Variants in DCC observed in about 807,000 individuals in gnomAD.
The protein encoded by DCC is DCC netrin 1 receptor.
In DCC, 58 loss-of-function variants were observed where a neutral mutation model predicts 172.5. That is an observed-to-expected ratio of 0.34 (90% CI 0.27 to 0.42). The LOEUF (loss-of-function observed/expected upper bound fraction) is 0.42, where lower values mean the gene tolerates loss of function less well. Among genes scored for constraint, DCC ranks in the 10% least tolerant of loss-of-function variants. The pLI, the probability that DCC is intolerant of heterozygous loss-of-function variation, is 1.00. For missense variants in DCC, 1,740 were observed against 1,791.0 expected (o/e 0.97, Z 0.51); for synonymous variants, 709 against 644.5 (o/e 1.10, Z -1.52).
intron 21 of DCC, among the ~76,000 whole-genome samples, chr18:53,431,041 G>A (rs1165666815): frequency 6.6e-6 from 1 of 151,650 alleles, no homozygotes; most frequent in Non-Finnish European, 1.5e-5. Flanking sequence ...AGAAAGGAGA[G>A]GTATATGAAA....
intron 1 of DCC, among the ~76,000 whole-genome samples, chr18:52,666,040 G>A (rs2035454051): frequency 1.3e-5 from 2 of 152,148 alleles, no homozygotes; most frequent in African/African-American, 2.4e-5. Context: ...ACTCATGCCT[G>A]TACTTTGAGA....
chr18:53,464,146 G>A (rs376047500), intron 24 of DCC, among the ~76,000 whole-genome samples: 4 of 152,106 alleles, frequency 2.6e-5, no homozygotes, highest in Admixed American at 6.6e-5. Flanking sequence ...ATAAAGAAAC[G>A]AAAGAGTTCA....
intron 1 of DCC, among the ~76,000 whole-genome samples, chr18:52,358,435 G>A (rs1395777759): frequency 1.3e-5 from 2 of 152,112 alleles, no homozygotes; most frequent in Non-Finnish European, 2.9e-5. Flanking sequence ...TTGTGCCTTT[G>A]TTTCTTCATC....
At chr18:52,677,429 T>C (rs2035663728) in intron 1 of DCC, among the ~76,000 whole-genome samples, 1 of 152,160 alleles carries the variant, frequency 6.6e-6, no homozygotes, top group African/African-American at 2.4e-5. Context: ...AAAATTACTA[T>C]AGCAGATTCT....
intron 2 of DCC, among the ~76,000 whole-genome samples, chr18:52,770,669 A>T (rs2037326285): frequency 6.6e-6 from 1 of 152,198 alleles, no homozygotes; most frequent in African/African-American, 2.4e-5. Flanking sequence ...TAAGCTCAAG[A>T]TTACTGGAGC....
intron 1 of DCC, among the ~76,000 whole-genome samples, chr18:52,673,672 A>G (rs1380132984): frequency 6.6e-6 from 1 of 152,148 alleles, no homozygotes; most frequent in Non-Finnish European, 1.5e-5. Context: ...CTTTTTTGAA[A>G]CATGGACCTT....
At chr18:53,205,736 G>A (rs937093844) in intron 10 of DCC, among the ~76,000 whole-genome samples, 8 of 152,038 alleles carry the variant, frequency 5.3e-5, no homozygotes, top group Non-Finnish European at 1.2e-4. Flanking sequence ...AGTCAATGGC[G>A]TTTGCCAAAC....
intron 1 of DCC, among the ~76,000 whole-genome samples, chr18:52,553,880 T>A (rs1227228100): frequency 6.6e-6 from 1 of 152,086 alleles, no homozygotes; most frequent in African/African-American, 2.4e-5. Flanking sequence ...TAATGATATA[T>A]GTCACACAGT....
intron 1 of DCC, among the ~76,000 whole-genome samples, chr18:52,616,055 A>G (rs1228469): frequency 0.21 from 32,376 of 152,136 alleles, 3,537 homozygotes; most frequent in East Asian, 0.29. Flanking sequence ...CTGAATTCCC[A>G]TATTACTAGC....
intron 1 of DCC, among the ~76,000 whole-genome samples, chr18:52,393,456 C>T (rs945747326): frequency 1.2e-4 from 19 of 152,108 alleles, no homozygotes; most frequent in African/African-American, 4.6e-4. Flanking sequence ...CCTAGCAATC[C>T]ATATTTTAAT....
intron 1 of DCC, among the ~76,000 whole-genome samples, chr18:52,500,646 A>G (rs1397510373): frequency 6.6e-6 from 1 of 152,198 alleles, no homozygotes; most frequent in East Asian, 1.9e-4. Context: ...ACAATTTTCT[A>G]TTAAAAATTA....
At chr18:52,609,021 T>C (rs1423180286) in intron 1 of DCC, among the ~76,000 whole-genome samples, 1 of 152,042 alleles carries the variant, frequency 6.6e-6, no homozygotes, top group Non-Finnish European at 1.5e-5. Flanking sequence ...AGACTGAGAG[T>C]CAATGCAACA....
At chr18:52,420,408 C>A (rs1198993913) in intron 1 of DCC, among the ~76,000 whole-genome samples, 2 of 152,120 alleles carry the variant, frequency 1.3e-5, no homozygotes, top group Non-Finnish European at 2.9e-5. Flanking sequence ...TCTAGGGGAG[C>A]ATTTCTTAAA....
chr18:53,474,962 T>C (rs929882070), intron 25 of DCC, among the ~76,000 whole-genome samples: 1 of 152,182 alleles, frequency 6.6e-6, no homozygotes, highest in African/African-American at 2.4e-5. Context: ...CAGTCTGAGG[T>C]GGTCTCAGAT....
intron 14 of DCC, among the ~76,000 whole-genome samples, chr18:53,331,180 C>T (rs2057526017): frequency 6.6e-6 from 1 of 152,168 alleles, no homozygotes; most frequent in South Asian, 2.1e-4. Context: ...TTCTAGAAGA[C>T]AGCTTGGCAT....
intron 26 of DCC, among the ~76,000 whole-genome samples, chr18:53,487,704 C>T (rs1290786500): frequency 6.6e-6 from 1 of 152,020 alleles, no homozygotes; most frequent in African/African-American, 2.4e-5. Context: ...CAAACAGGGA[C>T]AGCTCTAAGA....
intron 15 of DCC, among the ~76,000 whole-genome samples, chr18:53,342,548 G>A (rs1207521084): frequency 3.3e-5 from 5 of 150,398 alleles, no homozygotes; most frequent in Non-Finnish European, 5.9e-5. Context: ...GTACTTTTTG[G>A]CATTTTTAAA....
chr18:53,443,534 T>A (rs969686538), intron 22 of DCC, among the ~76,000 whole-genome samples: 2 of 152,250 alleles, frequency 1.3e-5, no homozygotes, highest in Non-Finnish European at 2.9e-5. Context: ...TTTTCATGCC[T>A]GCTAACACAA....
chr18:52,706,704 A>G (rs1040535750), intron 1 of DCC, among the ~76,000 whole-genome samples: 2 of 152,148 alleles, frequency 1.3e-5, no homozygotes, highest in Non-Finnish European at 2.9e-5. Flanking sequence ...CACCACGACC[A>G]AGCATGGTAC....
Sources: gnomAD v4.1 joint callset for allele counts (sites outside exome capture counted in the v4.1 genomes callset) on GRCh38, gnomAD v4.1.1 for gene constraint, MANE v1.5 for transcripts, NCBI Gene and HGNC (gene_info 2026-07-23, HGNC 2026-07-21) for gene names.